Variants in HMGCS1 observed in about 807,000 individuals in gnomAD.
HMGCS1 encodes 3-hydroxy-3-methylglutaryl-CoA synthase 1.
A neutral mutation model predicts 52.3 loss-of-function variants in HMGCS1; 9 were observed. The observed-to-expected ratio is 0.17, with a 90% CI of 0.10 to 0.30. The LOEUF is 0.30. HMGCS1 is among the 10% of genes least tolerant of loss of function. The pLI is 1.00. For synonymous variants in HMGCS1, 176 were observed against 214.4 expected (o/e 0.82, Z 1.57); for missense variants, 320 against 620.9 (o/e 0.52, Z 5.15).
At chr5:43,291,757 C>T (rs1458847899) in intron 10 of HMGCS1, among the ~76,000 whole-genome samples, 1 of 151,950 alleles carries the variant, frequency 6.6e-6, no homozygotes, top group Non-Finnish European at 1.5e-5. Flanking sequence ...AATAAGAAAA[C>T]GTAAGTAAAG....
Position 43,296,999 on chromosome 5 carries a change from T to C in HMGCS1, c.739+3A>G, listed in dbSNP as rs1561114117. The stretch of plus-strand genomic sequence containing the variant: ...AAAACCAAGGAAAATGGGTAAAACT[T>C]ACCTTTCTGCCACTGGGCATGGATC... On this transcript the variant is annotated splice_donor_region_variant and intron_variant, in intron 5 of 10. Coordinates refer to ENST00000325110, the MANE Select transcript of HMGCS1 (RefSeq NM_001098272.3). 2 of 1,613,290 alleles carry C rather than the reference T, an allele frequency of 1.2e-6. No homozygotes were observed. Among genetic ancestry groups the C allele is most frequent in the East Asian group, 4.5e-5 (2 of 44,848 alleles).
In HMGCS1 at chr5:43,292,844, T is replaced by C. The variant is rs1288738583; in HGVS notation, c.1309+4A>G. The C allele has an allele frequency of 6.2e-7, 1 of 1,611,466 alleles. No homozygotes were observed. Among genetic ancestry groups the C allele is most frequent in the Admixed American group, 1.7e-5 (1 of 59,806 alleles). On this transcript the variant is annotated splice_donor_region_variant and intron_variant, in intron 9 of 10. Coordinates refer to ENST00000325110, the MANE Select transcript of HMGCS1 (RefSeq NM_001098272.3). ...TTAACTTAAAGAACATTTAATATTT[T>C]TACCCAAATGATGGGTGTCCTCTCT... is the stretch of plus-strand genomic sequence containing the variant.
chr5:43,294,287 AG>A, intron 7 of HMGCS1, 125 bp from the exon 8 acceptor site: 1 of 648,012 alleles, frequency 1.5e-6, no homozygotes, highest in South Asian at 1.9e-5. Context: ...TAAAGTTTTA[AG>A]GATCTAACTC....
intron 2 of HMGCS1, among the ~76,000 whole-genome samples, chr5:43,307,109 T>C (rs1754617070): frequency 1.3e-5 from 2 of 150,218 alleles, no homozygotes; most frequent in Admixed American, 1.3e-4. Context: ...CCCACTCTGT[T>C]GCCCAGGCTG....
intron 2 of HMGCS1, among the ~76,000 whole-genome samples, chr5:43,303,378 C>T (rs1754413251): frequency 6.6e-6 from 1 of 152,246 alleles, no homozygotes; most frequent in Non-Finnish European, 1.5e-5. Flanking sequence ...CGAGAGCTTG[C>T]TCATGCTGTC....
At position 43,289,482 on chromosome 5, in the gene HMGCS1, G is replaced by A. The variant is rs879438359; in HGVS notation, c.*1649C>T. The A allele has an allele frequency of 6.6e-6, 1 of 152,562 alleles. No homozygotes were observed. Among genetic ancestry groups the A allele is most frequent in the Admixed American group, 6.5e-5 (1 of 15,274 alleles). The allele number at this position is 152,562 out of a possible 1,614,324, so 9.5% of individuals were successfully genotyped here. On this transcript the variant is annotated 3_prime_UTR_variant, in exon 11 of 11. Coordinates refer to ENST00000325110, the MANE Select transcript of HMGCS1 (RefSeq NM_001098272.3). The stretch of plus-strand genomic sequence containing the variant: ...TTAATGCTCTGTGCCAGTATTTGCA[G>A]GCCTGCCCATTGCCGGCAATGGACT...
chr5:43,310,257 A>G (rs1754794525), intron 1 of HMGCS1, among the ~76,000 whole-genome samples: 1 of 152,208 alleles, frequency 6.6e-6, no homozygotes, highest in African/African-American at 2.4e-5. Context: ...GATTCTACTC[A>G]TCTTCAAGGC....
chr5:43,297,398 C>T (rs1561114865), intron 4 of HMGCS1, among the ~76,000 whole-genome samples: 2 of 152,186 alleles, frequency 1.3e-5, no homozygotes, highest in African/African-American at 4.8e-5. Flanking sequence ...TTTCATAACT[C>T]TAACAGTTCA....
chr5:43,297,028 T>G lies in HMGCS1; in HGVS notation c.713A>C (p.Lys238Thr). 1 of 1,613,806 alleles carries G rather than the reference T, an allele frequency of 6.2e-7. No homozygotes were observed. The highest frequency in any genetic ancestry group is 8.5e-7 in the Non-Finnish European group (1 of 1,179,860). ...ALDRCYSVYC[K>T]KIHAQWQKEG... ...TTTCTGCCACTGGGCATGGATCTTT[T>G]TGCAGTAGACAGAATAGCAGCGGTC... Residue 238 changes from lysine to threonine, a missense_variant, in exon 5 of 11, where the codon AAA becomes ACA. Lys to Thr is a moderately conservative substitution (Grantham distance 78, BLOSUM62 -1). Coordinates refer to ENST00000325110, the MANE Select transcript of HMGCS1 (RefSeq NM_001098272.3).
intron 1 of HMGCS1, among the ~76,000 whole-genome samples, chr5:43,310,369 A>T (rs1373172807): frequency 1.3e-5 from 2 of 152,222 alleles, no homozygotes; most frequent in Middle Eastern, 3.2e-3. Context: ...TAGGTCATTC[A>T]TACCCAAGTC....
At position 43,291,227 on chromosome 5, in the gene HMGCS1, T is replaced by C; in HGVS notation, c.1474-7A>G. On this transcript the variant is annotated splice_region_variant and splice_polypyrimidine_tract_variant and intron_variant, in intron 10 of 10. Coordinates refer to ENST00000325110, the MANE Select transcript of HMGCS1 (RefSeq NM_001098272.3). ...TGGCAGGGCTTGGAATATGCTAAAA[T>C]GAAAGGAAAAAAGTTGATGGCTCTT... The C allele has an allele frequency of 6.3e-7, 1 of 1,588,230 alleles. No individual in the cohort carries two copies.
At chr5:43,295,724 G>T (rs2111654188) in intron 6 of HMGCS1, 28 bp downstream of exon 6, 1 of 1,562,366 alleles carries the variant, frequency 6.4e-7, no homozygotes. Flanking sequence ...TAATATAGAA[G>T]GAAAAAACTC....
rs1197842368 is a variant in HMGCS1 at position 43,292,795 on chromosome 5, AATG to A, written c.1309+50_1309+52del. The A allele has an allele frequency of 8.7e-5, 138 of 1,582,112 alleles. No homozygotes were observed. In the Admixed American group the frequency reaches 1.7e-3, roughly 19 times the overall value. On this transcript the variant is annotated intron_variant, in intron 9 of 10. Transcript: ENST00000325110. ...TCCTTATCGTATATGTAGCATCCTTAATGATATCAGCCCTCCAAATGGGTTAAC... is the reference window on the plus strand; with the variant it reads ...TCCTTATCGTATATGTAGCATCCTTAATATCAGCCCTCCAAATGGGTTAAC...
intron 10 of HMGCS1, 108 bp downstream of exon 10, chr5:43,292,366 T>C: frequency 1.7e-6 from 1 of 579,092 alleles, no homozygotes; most frequent in Non-Finnish European, 2.8e-6. Flanking sequence ...ACAGCTAGAA[T>C]CTACTCCCAG....
intron 1 of HMGCS1, among the ~76,000 whole-genome samples, chr5:43,309,062 CCA>C (rs757039990): frequency 3.3e-5 from 5 of 151,856 alleles, no homozygotes; most frequent in Non-Finnish European, 5.9e-5. Context: ...ATTAAGCAGA[CCA>C]CAGAGACCAG....
intron 6 of HMGCS1, 137 bp from the exon 7 acceptor site, chr5:43,294,998 T>C (rs1753960284): frequency 1.9e-6 from 1 of 525,098 alleles, no homozygotes; most frequent in Admixed American, 3.5e-5. Flanking sequence ...GTAGCAGCAA[T>C]CTAATTGCTA....
At chr5:43,294,487 C>CAACA in intron 7 of HMGCS1, 1 of 496,766 alleles carries the variant, frequency 2.0e-6, no homozygotes, top group Non-Finnish European at 3.5e-6. Context: ...CCAGGAAAGC[C>CAACA]AGTATGAAAT....
Position 43,290,534 on chromosome 5 carries a change from T to C in HMGCS1, c.*597A>G, listed in dbSNP as rs1293876989. 6.6e-6 allele frequency: 1 copy of C among 152,266 alleles called. No individual in the cohort carries two copies. The highest frequency in any genetic ancestry group is 1.5e-5 in the Non-Finnish European group (1 of 68,044). 9.4% of individuals were successfully genotyped at this position (152,266 alleles called of 1,614,324 possible). A position where few individuals can be genotyped will look rare whatever the true frequency, so the allele number is the denominator to read the frequency against. On this transcript the variant is annotated 3_prime_UTR_variant, in exon 11 of 11. Transcript: ENST00000325110. Reference sequence around the variant, plus strand: ...ATTCCAGATTCCAGAGCCAGTGTTTTATTGTCCCAGCTCTTTTCTTCCTCT... The same window carrying C: ...ATTCCAGATTCCAGAGCCAGTGTTTCATTGTCCCAGCTCTTTTCTTCCTCT...
Position 43,297,160 on chromosome 5 carries a change from C to T in HMGCS1, c.581G>A (p.Arg194His), listed in dbSNP as rs1404901819. 2 of 1,611,054 alleles carry T rather than the reference C, an allele frequency of 1.2e-6. No homozygotes were observed. Among genetic ancestry groups the T allele is most frequent in the African/African-American group, 1.3e-5 (1 of 74,774 alleles). The change falls in exon 5 of 11, where the codon CGT (arginine) becomes CAT (histidine). Residue 194 changes from arginine (R) to histidine (H), a missense_variant. Arg to His is a conservative substitution (Grantham distance 29). This residue lies in a region of HMGCS1 where 85 missense variants were observed against 260.0 expected (regional missense o/e 0.33). Coordinates refer to ENST00000325110, the MANE Select transcript of HMGCS1 (RefSeq NM_001098272.3). ...ATAGGCATGTTGCATATGTGTCCCA[C>T]GAAGCCCTATTAGAACCAAAAAGGA... The part of the protein sequence containing the change: ...NAPLIFERGL[R>H]GTHMQHAYDF...
Sources: gnomAD v4.1 joint callset for allele counts (sites outside exome capture counted in the v4.1 genomes callset) on GRCh38, gnomAD v4.1.1 for gene constraint, gnomAD v4.1.1 regional missense constraint, MANE v1.5 for transcripts, NCBI Gene and HGNC (gene_info 2026-07-23, HGNC 2026-07-21) for gene names.